ABHD2: variants seen among roughly 807,000 people sequenced by gnomAD.
ABHD2 encodes monoacylglycerol lipase ABHD2.
In ABHD2, 20 loss-of-function variants were observed where a neutral mutation model predicts 48.1. The observed-to-expected ratio is 0.42, with a 90% CI of 0.29 to 0.60. The LOEUF is 0.60. Ranked by LOEUF, ABHD2 falls within the 20% of genes least tolerant of loss-of-function variation. The probability of loss-of-function intolerance (pLI) is 0.24; values close to 1 mark genes in which losing one functional copy is unlikely to be tolerated. For synonymous variants in ABHD2, 209 were observed against 214.2 expected (o/e 0.98, Z 0.21); for missense variants, 405 against 550.9 (o/e 0.74, Z 2.65).
At position 89,100,044 on chromosome 15, in the gene ABHD2, G is replaced by A. The variant is rs756979971; in HGVS notation, c.-107+11481G>A. ...GATTTAATATTTTGTCTGGGCAGCC[G>A]GTAGAGGAGCTTATGGTCTGGAATG... On this transcript the variant is annotated intron_variant, in intron 1 of 10. Transcript: ENST00000352732. This position sits in a 1 kb window ranked among gnomAD's most constrained non-coding sequence, Gnocchi z 4.4. Among the ~76,000 whole-genome samples the A allele has an allele frequency of 2.0e-5, 3 of 152,106 alleles. No individual in the cohort carries two copies. Among genetic ancestry groups the A allele is most frequent in the Admixed American group, 6.6e-5 (1 of 15,260 alleles).
At chr15:89,042,540 T>C in the ABHD2 span, among the ~76,000 whole-genome samples, 1 of 152,034 alleles carries the variant, frequency 6.6e-6, no homozygotes, top group South Asian at 2.1e-4. Context: ...CACCTGGAAA[T>C]TTATACCTTC....
chr15:89,044,118 T>C, the ABHD2 span, among the ~76,000 whole-genome samples: 3 of 152,086 alleles, frequency 2.0e-5, no homozygotes, highest in Non-Finnish European at 4.4e-5. Flanking sequence ...GTGTTCTCAT[T>C]GTTCAATTCC....
At position 89,195,478 on chromosome 15, in the gene ABHD2, C is replaced by A; in HGVS notation, c.*55C>A. On this transcript the variant is annotated 3_prime_UTR_variant, in exon 11 of 11. Transcript: ENST00000352732. This position sits in a 1 kb window ranked among gnomAD's most constrained non-coding sequence, Gnocchi z 5.1. ...CCCTCCTCTGGAAGCTGCGTCCCCT[C>A]ACCCCCTGTTTCAGGTCTCCCATCT... 11 of 1,561,948 alleles carry A rather than the reference C, an allele frequency of 7.0e-6. No individual in the cohort carries two copies. The highest frequency in any genetic ancestry group is 9.5e-6 in the Non-Finnish European group (11 of 1,154,232).
chr15:89,085,436 G>A (rs923265434), upstream of ABHD2, among the ~76,000 whole-genome samples: 1 of 151,876 alleles, frequency 6.6e-6, no homozygotes, highest in Non-Finnish European at 1.5e-5. The surrounding 1 kb of genome is among the most constrained non-coding windows in gnomAD (Gnocchi z 4.2). Flanking sequence ...ACAGAATATG[G>A]CAAGACTGCA....
chr15:89,053,887 C>T, the ABHD2 span, among the ~76,000 whole-genome samples: 1 of 152,220 alleles, frequency 6.6e-6, no homozygotes, highest in African/African-American at 2.4e-5. Context: ...GCCAGCCTCC[C>T]GGACGCCTCA....
chr15:89,169,211 A>G (rs1259528826), intron 5 of ABHD2, among the ~76,000 whole-genome samples: 1 of 152,132 alleles, frequency 6.6e-6, no homozygotes, highest in East Asian at 1.9e-4. Flanking sequence ...ATATAAGGCA[A>G]GGGGCTTGGG....
At position 89,201,427 on chromosome 15, in the gene ABHD2, C is replaced by T. The variant is rs1483323613; in HGVS notation, c.*6004C>T. 1 of 1,292,984 alleles carries T rather than the reference C, an allele frequency of 7.7e-7. No homozygotes were observed. Among genetic ancestry groups the T allele is most frequent in the East Asian group, 2.3e-5 (1 of 43,368 alleles). The allele number at this position is 1,292,984 out of a possible 1,614,324, so 80.1% of individuals were successfully genotyped here. On this transcript the variant is annotated 3_prime_UTR_variant, in exon 11 of 11. Coordinates refer to ENST00000352732, the MANE Select transcript of ABHD2 (RefSeq NM_152924.5). Reference sequence around the variant, plus strand: ...TCAATTTATCATTTTCATTGGGGATCTCCATTTGGAATCCATTAATTCATG... The same window carrying T: ...TCAATTTATCATTTTCATTGGGGATTTCCATTTGGAATCCATTAATTCATG...
chr15:89,124,142 A>G (rs1397410744), intron 3 of ABHD2, among the ~76,000 whole-genome samples: 1 of 152,274 alleles, frequency 6.6e-6, no homozygotes, highest in African/African-American at 2.4e-5. Context: ...AATTAGAAAT[A>G]CACTACAGAA....
Position 89,113,596 on chromosome 15 carries a change from C to T in ABHD2, c.-106-129C>T, listed in dbSNP as rs572525284. 2.0e-5 allele frequency: 3 copies of T among 152,300 alleles called. No homozygotes were observed. In the South Asian group the frequency reaches 6.2e-4, roughly 32 times the overall value. 9.4% of individuals were successfully genotyped at this position (152,300 alleles called of 1,614,324 possible). A position where few individuals can be genotyped will look rare whatever the true frequency, so the allele number is the denominator to read the frequency against. On this transcript the variant is annotated intron_variant, in intron 1 of 10. Transcript: ENST00000352732. ...AAAGGCCAAACATTCAAGAGTGTGG[C>T]ATACATGTTAATTAACAAAATTGTC...
intron 9 of ABHD2, 71 bp from the exon 10 acceptor site, chr15:89,193,164 T>A: frequency 6.8e-7 from 1 of 1,463,556 alleles, no homozygotes. Context: ...AGCAGTGAGT[T>A]TGAGCCTTGA....
the ABHD2 span, among the ~76,000 whole-genome samples, chr15:89,050,352 A>G: frequency 5.3e-4 from 81 of 152,306 alleles, no homozygotes; most frequent in African/African-American, 1.9e-3. Context: ...CCATGTGGAC[A>G]TGTGTCCAAT....
intron 4 of ABHD2, among the ~76,000 whole-genome samples, chr15:89,153,187 C>G (rs1240424574): frequency 1.3e-5 from 2 of 152,184 alleles, no homozygotes; most frequent in East Asian, 3.9e-4. Flanking sequence ...GTTTCCTTCT[C>G]AGTAAATCCA....
chr15:89,116,219 C>T lies in ABHD2; in HGVS notation c.-6-103C>T, dbSNP rs1408968618. On this transcript the variant is annotated intron_variant, in intron 2 of 10. Coordinates refer to ENST00000352732, the MANE Select transcript of ABHD2 (RefSeq NM_152924.5). This position sits in a 1 kb window ranked among gnomAD's most constrained non-coding sequence, Gnocchi z 4.6. ...CGGAAACATCTGAATTGTGACACAC[C>T]GTCACTGGCAGTATCTCTTAGCCCA... The T allele has an allele frequency of 2.8e-6, 3 of 1,075,776 alleles. No homozygotes were observed. Among genetic ancestry groups the T allele is most frequent in the East Asian group, 2.4e-5 (1 of 41,552 alleles). The allele number at this position is 1,075,776 out of a possible 1,614,324, so 66.6% of individuals were successfully genotyped here. A position where few individuals can be genotyped will look rare whatever the true frequency, so the allele number is the denominator to read the frequency against.
At position 89,174,453 on chromosome 15, in the gene ABHD2, A is replaced by C. The variant is rs1415806700; in HGVS notation, c.539-1359A>C. ...TCTAACACCCTCTCCAGGTGATTCT[A>C]TGCACACTGCAGCTTAAGAACTGCA... On this transcript the variant is annotated intron_variant, in intron 5 of 10. Coordinates refer to ENST00000352732, the MANE Select transcript of ABHD2 (RefSeq NM_152924.5). The surrounding 1 kb of genome is among the most constrained non-coding windows in gnomAD (Gnocchi z 4.1). Among the ~76,000 whole-genome samples the C allele has an allele frequency of 3.3e-5, 5 of 152,306 alleles. No homozygotes were observed. Among genetic ancestry groups the C allele is most frequent in the Non-Finnish European group, 5.9e-5 (4 of 68,010 alleles).
chr15:89,045,564 C>T, the ABHD2 span, among the ~76,000 whole-genome samples: 1 of 152,108 alleles, frequency 6.6e-6, no homozygotes, highest in Non-Finnish European at 1.5e-5. Flanking sequence ...TTTGTATCCT[C>T]TTTTATTTCC....
rs2051454289 is a variant in ABHD2 at position 89,200,388 on chromosome 15, C to T, written c.*4965C>T. ...GCACAGGCACACCTCACTTCCCAGA[C>T]AGTTGGGCGGCCAGGCAAGCGCTCC... On this transcript the variant is annotated 3_prime_UTR_variant, in exon 11 of 11. Transcript: ENST00000352732. 1.3e-5 allele frequency: 2 copies of T among 149,466 alleles called. No individual in the cohort carries two copies. The highest frequency in any genetic ancestry group is 1.9e-4 in the East Asian group (1 of 5,132). 9.3% of individuals were successfully genotyped at this position (149,466 alleles called of 1,614,324 possible).
rs2049793503 is a variant in ABHD2, at chr15:89,106,798, C to A, written c.-106-6927C>A. On this transcript the variant is annotated intron_variant, in intron 1 of 10. Transcript: ENST00000352732. The surrounding 1 kb of genome is among the most constrained non-coding windows in gnomAD (Gnocchi z 4.2). ...TGGTGTAGCAAGTTCAATAGTGACC[C>A]TCCAAAATTTATGTCCCATCTGAAA... 6.6e-6 allele frequency among the ~76,000 whole-genome samples: 1 copy of A among 152,138 alleles called. No homozygotes were observed. Among genetic ancestry groups the A allele is most frequent in the Admixed American group, 6.5e-5 (1 of 15,268 alleles).
the ABHD2 span, among the ~76,000 whole-genome samples, chr15:89,054,018 C>T: frequency 6.6e-6 from 1 of 152,078 alleles, no homozygotes; most frequent in African/African-American, 2.4e-5. Flanking sequence ...AAAACATAGA[C>T]AAGCCAAAAC....
At position 89,186,435 on chromosome 15, in the gene ABHD2, C is replaced by T. The variant is rs2051211611; in HGVS notation, c.815+919C>T. Among the ~76,000 whole-genome samples the T allele has an allele frequency of 6.6e-6, 1 of 152,140 alleles. No individual in the cohort carries two copies. The highest frequency in any genetic ancestry group is 1.5e-5 in the Non-Finnish European group (1 of 68,022). ...CCTCCTCCTCTACGCCTCTCATTCC[C>T]TCTAGCTGGACTAGGCTACTTAGAG... On this transcript the variant is annotated intron_variant, in intron 7 of 10. Coordinates refer to ENST00000352732, the MANE Select transcript of ABHD2 (RefSeq NM_152924.5). The surrounding 1 kb of genome is among the most constrained non-coding windows in gnomAD (Gnocchi z 4.3).
Sources: gnomAD v4.1 joint callset for allele counts (sites outside exome capture counted in the v4.1 genomes callset) on GRCh38, gnomAD v4.1.1 for gene constraint, Gnocchi (gnomAD v3.1) non-coding constraint, MANE v1.5 for transcripts, NCBI Gene and HGNC (gene_info 2026-07-23, HGNC 2026-07-21) for gene names.